ZNF385B: variants seen among roughly 807,000 people sequenced by gnomAD.
The protein encoded by ZNF385B is zinc finger protein 385B, also known as zinc finger protein 533.
A neutral mutation model predicts 39.2 loss-of-function variants in ZNF385B; 23 were observed. That is an observed-to-expected ratio of 0.59 (90% CI 0.42 to 0.83). The LOEUF is 0.83. ZNF385B is among the 40% of genes least tolerant of loss of function. The pLI is 0.00. For synonymous variants in ZNF385B, 205 were observed against 222.6 expected, an observed-to-expected ratio of 0.92 and a Z score of 0.70; for missense variants, 552 against 598.9, an observed-to-expected ratio of 0.92 and a Z score of 0.82.
In ZNF385B at chr2:179,473,816, T is replaced by C. The variant is rs1013162052; in HGVS notation, c.715+9456A>G. ...TCCTGTGTTAGTTTGCTGAGAATGA[T>C]GGTTTCCACCTTCATCCATGTCCCT... On this transcript the variant is annotated intron_variant, in intron 6 of 9. Coordinates refer to ENST00000410066, the MANE Select transcript of ZNF385B (RefSeq NM_152520.6). Among the ~76,000 whole-genome samples the C allele has an allele frequency of 5.9e-5, 9 of 152,192 alleles. No homozygotes were observed. The East Asian group carries it at 1.7e-3, about 29-fold the overall frequency.
intron 5 of ZNF385B, 102 bp from the exon 6 acceptor site, chr2:179,483,536 C>A: frequency 6.8e-7 from 1 of 1,469,022 alleles, no homozygotes; most frequent in Non-Finnish European, 9.3e-7. Flanking sequence ...GCACCACAGA[C>A]ATTTACAACT....
chr2:179,844,042 T>C (rs1559245061), intron 1 of ZNF385B, among the ~76,000 whole-genome samples: 1 of 152,222 alleles, frequency 6.6e-6, no homozygotes, highest in Non-Finnish European at 1.5e-5. Flanking sequence ...CAAGCCATTT[T>C]GAACAATTCT....
At chr2:179,766,496 G>A (rs1703701484) in intron 3 of ZNF385B, among the ~76,000 whole-genome samples, 1 of 152,230 alleles carries the variant, frequency 6.6e-6, no homozygotes, top group African/African-American at 2.4e-5. Context: ...TGTGTTACTT[G>A]GGTTGGTTCC....
chr2:179,666,725 G>C (rs1695209592), intron 3 of ZNF385B, among the ~76,000 whole-genome samples: 1 of 151,962 alleles, frequency 6.6e-6, no homozygotes, highest in Non-Finnish European at 1.5e-5. Context: ...GCCAGGCCCT[G>C]CTCTGAGTGC....
intron 3 of ZNF385B, among the ~76,000 whole-genome samples, chr2:179,663,412 A>T (rs1203611413): frequency 6.6e-6 from 1 of 152,170 alleles, no homozygotes; most frequent in Non-Finnish European, 1.5e-5. Context: ...AATTATTTTA[A>T]AAATTTATCT....
intron 3 of ZNF385B, among the ~76,000 whole-genome samples, chr2:179,739,451 T>C (rs1196400056): frequency 6.6e-6 from 1 of 152,234 alleles, no homozygotes; most frequent in Non-Finnish European, 1.5e-5. Flanking sequence ...TGAATAGTTT[T>C]GTTGGTTGAA....
At chr2:179,551,871 A>T (rs896008280) in intron 3 of ZNF385B, among the ~76,000 whole-genome samples, 1 of 151,942 alleles carries the variant, frequency 6.6e-6, no homozygotes, top group Non-Finnish European at 1.5e-5. Context: ...GCATTTGGGG[A>T]TCTCCTTTAG....
chr2:179,579,896 A>T (rs984117018), intron 3 of ZNF385B, among the ~76,000 whole-genome samples: 1 of 152,192 alleles, frequency 6.6e-6, no homozygotes, highest in Non-Finnish European at 1.5e-5. Flanking sequence ...GAGAAATTTT[A>T]GTGAGTTAAG....
In ZNF385B at chr2:179,770,645, T is replaced by C. The variant is rs1305349258; in HGVS notation, c.-127A>G. 1 of 152,232 alleles carries C rather than the reference T, an allele frequency of 6.6e-6. No individual in the cohort carries two copies. The highest frequency in any genetic ancestry group is 1.9e-4 in the East Asian group (1 of 5,202). 9.4% of individuals were successfully genotyped at this position (152,232 alleles called of 1,614,324 possible). On this transcript the variant is annotated 5_prime_UTR_variant, in exon 2 of 10. It adds an upstream start codon to the 5' untranslated region. Coordinates refer to ENST00000410066, the MANE Select transcript of ZNF385B (RefSeq NM_152520.6). Reference sequence around the variant, plus strand: ...GGTTAGCCCATAAACATCAATTTAATATTTGATGGAGTTGAAATGTAGAAC... The same window carrying C: ...GGTTAGCCCATAAACATCAATTTAACATTTGATGGAGTTGAAATGTAGAAC...
At chr2:179,754,730 T>C (rs1220812555) in intron 3 of ZNF385B, among the ~76,000 whole-genome samples, 10 of 152,250 alleles carry the variant, frequency 6.6e-5, no homozygotes, top group Non-Finnish European at 1.2e-4. Flanking sequence ...CAGGTGTTTA[T>C]AGTATTCTCT....
At chr2:179,760,032 C>A (rs1407398672) in intron 3 of ZNF385B, among the ~76,000 whole-genome samples, 1 of 147,850 alleles carries the variant, frequency 6.8e-6, no homozygotes, top group Non-Finnish European at 1.5e-5. Context: ...CCTTGCCCAG[C>A]TTCTACCCAT....
chr2:179,696,624 G>A lies in ZNF385B; in HGVS notation c.298+72879C>T, dbSNP rs376332456. Reference sequence around the variant, plus strand: ...TAGGCTACTTTTAATACACCTATGAGCAGCACTGGCCCACCTAACAGGTAG... The same window carrying A: ...TAGGCTACTTTTAATACACCTATGAACAGCACTGGCCCACCTAACAGGTAG... On this transcript the variant is annotated intron_variant, in intron 3 of 9. Transcript: ENST00000410066. Among the ~76,000 whole-genome samples the A allele has an allele frequency of 1.2e-4, 18 of 152,162 alleles. 1 individual carries two copies. Among genetic ancestry groups the A allele is most frequent in the African/African-American group, 4.3e-4 (18 of 41,484 alleles).
intron 1 of ZNF385B, among the ~76,000 whole-genome samples, chr2:179,803,081 C>G (rs760147587): frequency 5.9e-5 from 9 of 152,152 alleles, no homozygotes; most frequent in Non-Finnish European, 1.2e-4. Flanking sequence ...TTATCATCCT[C>G]ATGTTACGAT....
intron 5 of ZNF385B, among the ~76,000 whole-genome samples, chr2:179,512,798 G>A (rs899997161): frequency 1.6e-4 from 24 of 152,308 alleles, no homozygotes; most frequent in Admixed American, 1.1e-3. Flanking sequence ...TGCAATGCCT[G>A]CTCCCTGGCA....
chr2:179,591,669 C>T (rs1687576355), intron 3 of ZNF385B, among the ~76,000 whole-genome samples: 1 of 152,142 alleles, frequency 6.6e-6, no homozygotes, highest in Non-Finnish European at 1.5e-5. Context: ...ACTGAACTTT[C>T]TCTCTCTGCT....
Position 179,818,576 on chromosome 2 carries a change from A to G in ZNF385B, c.-155+42525T>C, listed in dbSNP as rs1003220921. 3.9e-5 allele frequency among the ~76,000 whole-genome samples: 6 copies of G among 152,242 alleles called. 1 individual carries two copies. Among genetic ancestry groups the G allele is most frequent in the African/African-American group, 1.4e-4 (6 of 41,476 alleles). ...TCTCGCTAGAGTGTTAATATTACACATAATCATAAAATACAACATTGCAAG... is the reference window on the plus strand; with the variant it reads ...TCTCGCTAGAGTGTTAATATTACACGTAATCATAAAATACAACATTGCAAG... On this transcript the variant is annotated intron_variant, in intron 1 of 9. Transcript: ENST00000410066.
At chr2:179,855,073 T>C (rs1684477481) in intron 1 of ZNF385B, among the ~76,000 whole-genome samples, 1 of 152,182 alleles carries the variant, frequency 6.6e-6, no homozygotes, top group South Asian at 2.1e-4. Context: ...GCACCTCTTT[T>C]ATTTATTTTC....
chr2:179,573,231 C>T (rs1247801324), intron 3 of ZNF385B, among the ~76,000 whole-genome samples: 1 of 152,110 alleles, frequency 6.6e-6, no homozygotes, highest in Non-Finnish European at 1.5e-5. Flanking sequence ...TCTCTAGCAG[C>T]AATTAATCTT....
chr2:179,702,545 T>C (rs1699287726), intron 3 of ZNF385B, among the ~76,000 whole-genome samples: 1 of 152,198 alleles, frequency 6.6e-6, no homozygotes, highest in Admixed American at 6.5e-5. Flanking sequence ...TAGAGCACCA[T>C]GGTCCAAGAC....
Sources: allele counts gnomAD v4.1 joint callset (sites outside exome capture counted in the v4.1 genomes callset), GRCh38; gene constraint gnomAD v4.1.1; transcripts MANE v1.5; gene names NCBI Gene and HGNC (gene_info 2026-07-23, HGNC 2026-07-21).